The following MS4A5 variants were observed in gnomAD, a reference collection of about 807,000 sequenced individuals.
The protein encoded by MS4A5 is membrane spanning 4-domains A5, also known as membrane-spanning 4-domains subfamily A member 5.
A neutral mutation model predicts 18.2 loss-of-function variants in MS4A5; 15 were observed. That is an observed-to-expected ratio of 0.83 (90% confidence interval 0.55 to 1.27). MS4A5 has a LOEUF of 1.27. MS4A5 is among the 50% of genes most tolerant of loss of function. The probability of loss-of-function intolerance (pLI) is 0.00; values close to 1 mark genes in which losing one functional copy is unlikely to be tolerated. For synonymous variants in MS4A5, 89 were observed against 78.7 expected (o/e 1.13, Z -0.69); for missense variants, 232 against 225.7 (o/e 1.03, Z -0.18).
At chr11:60,431,739 G>T (rs1396852372) in intron 2 of MS4A5, among the ~76,000 whole-genome samples, 6 of 152,298 alleles carry the variant, frequency 3.9e-5, no homozygotes, top group African/African-American at 1.4e-4. Flanking sequence ...TAAGGATTAG[G>T]GATGTCTTGT....
At chr11:60,441,494 A>G (rs1019650719) in intron 4 of MS4A5, among the ~76,000 whole-genome samples, 1 of 151,298 alleles carries the variant, frequency 6.6e-6, no homozygotes, top group African/African-American at 2.4e-5. Context: ...AGATAAGCCA[A>G]TAGTTTTCCA....
chr11:60,442,927 G>A (rs1038776510), intron 4 of MS4A5, among the ~76,000 whole-genome samples: 1 of 152,184 alleles, frequency 6.6e-6, no homozygotes, highest in Non-Finnish European at 1.5e-5. Flanking sequence ...GATCACTTGA[G>A]GTCAGGAGTT....
intron 1 of MS4A5, among the ~76,000 whole-genome samples, 157 bp downstream of exon 1, chr11:60,429,984 T>C (rs2086039699): frequency 6.6e-6 from 1 of 152,110 alleles, no homozygotes; most frequent in South Asian, 2.1e-4. Flanking sequence ...AGAGGATGTT[T>C]GAGAAGAACG....
At chr11:60,441,347 G>C in intron 4 of MS4A5, among the ~76,000 whole-genome samples, 1 of 119,622 alleles carries the variant, frequency 8.4e-6, no homozygotes, top group Admixed American at 1.0e-4. Context: ...GTTAGTGGGT[G>C]CAGGGCACCA....
chr11:60,434,674 TA>T (rs1235874046), intron 4 of MS4A5, among the ~76,000 whole-genome samples: 1 of 152,068 alleles, frequency 6.6e-6, no homozygotes, highest in Non-Finnish European at 1.5e-5. Flanking sequence ...TTAAAGACAT[TA>T]AAAAGCTGAA....
chr11:60,432,780 A>C (rs984815609), intron 3 of MS4A5, among the ~76,000 whole-genome samples: 14 of 151,692 alleles, frequency 9.2e-5, no homozygotes, highest in African/African-American at 3.1e-4. Flanking sequence ...AAAAAAAAAA[A>C]ACAAAAAAAA....
intron 4 of MS4A5, among the ~76,000 whole-genome samples, chr11:60,447,119 G>GCTATC (rs1190534869): frequency 2.1e-5 from 3 of 143,656 alleles, no homozygotes; most frequent in Non-Finnish European, 3.1e-5. Flanking sequence ...GCTATCCTAT[G>GCTATC]CTATCCTATG....
chr11:60,446,057 T>G (rs1040569973), intron 4 of MS4A5, among the ~76,000 whole-genome samples: 5 of 152,138 alleles, frequency 3.3e-5, no homozygotes, highest in African/African-American at 9.7e-5. Flanking sequence ...AACAATGCTA[T>G]TGCAGCATTG....
chr11:60,433,663 A>T, intron 3 of MS4A5, 102 bp from the exon 4 acceptor site: 1 of 1,145,644 alleles, frequency 8.7e-7, no homozygotes, highest in South Asian at 1.4e-5. Flanking sequence ...TGGCATTAAG[A>T]TGCTGTGACT....
chr11:60,433,635 G>A (rs1590830913), intron 3 of MS4A5, 130 bp from the exon 4 acceptor site: 1 of 816,376 alleles, frequency 1.2e-6, no homozygotes, highest in East Asian at 2.6e-5. Context: ...ATTCGCACAG[G>A]ATCACAGAGC....
chr11:60,436,383 G>A (rs1305211797), intron 4 of MS4A5, among the ~76,000 whole-genome samples: 1 of 139,622 alleles, frequency 7.2e-6, no homozygotes, highest in East Asian at 2.0e-4. Flanking sequence ...CTCCTCCAAA[G>A]GAATGCAGTT....
intron 4 of MS4A5, among the ~76,000 whole-genome samples, chr11:60,435,817 T>G (rs1475634015): frequency 1.3e-5 from 2 of 151,678 alleles, no homozygotes; most frequent in African/African-American, 4.8e-5. Flanking sequence ...AGCACAGCAG[T>G]CTGAGATCAA....
chr11:60,435,860 C>T (rs1225802395), intron 4 of MS4A5, among the ~76,000 whole-genome samples: 21 of 152,134 alleles, frequency 1.4e-4, no homozygotes, highest in African/African-American at 1.9e-4. Flanking sequence ...GGGGGAGGGG[C>T]GCCCGCCATT....
intron 4 of MS4A5, among the ~76,000 whole-genome samples, chr11:60,437,249 C>A (rs1282076718): frequency 2.0e-5 from 3 of 150,082 alleles, no homozygotes; most frequent in African/African-American, 4.9e-5. Flanking sequence ...ACCAGGCCTG[C>A]CTTACAAGAG....
chr11:60,445,089 A>G (rs1294783376), intron 4 of MS4A5, among the ~76,000 whole-genome samples: 1 of 152,180 alleles, frequency 6.6e-6, no homozygotes, highest in African/African-American at 2.4e-5. Flanking sequence ...GAGGCAAACA[A>G]TTTCAGATAA....
intron 4 of MS4A5, 64 bp downstream of exon 4, chr11:60,433,981 C>G: frequency 1.5e-6 from 2 of 1,363,814 alleles, no homozygotes; most frequent in South Asian, 2.5e-5. Context: ...TATTAGCACT[C>G]AATCAGCACC....
chr11:60,433,804 G>A lies in MS4A5; in HGVS notation c.379G>A (p.Gly127Arg). The change falls in exon 4 of 5, where the codon GGA becomes AGA. Residue 127 changes from glycine to arginine, a missense_variant. Transcript: ENST00000300190. ...SRIMNFLSAL[G>R]AIAGIILLTF... ...AATAATGAATTTTCTTAGTGCCCTG[G>A]GAGCAATAGCTGGAATCATTCTCCT... 6.2e-7 allele frequency: 1 copy of A among 1,613,864 alleles called. No individual in the cohort carries two copies. The highest frequency in any genetic ancestry group is 1.7e-5 in the Admixed American group (1 of 60,010).
chr11:60,437,600 A>C (rs2086087821), intron 4 of MS4A5, among the ~76,000 whole-genome samples: 1 of 151,652 alleles, frequency 6.6e-6, no homozygotes, highest in African/African-American at 2.4e-5. Context: ...AATGGAAAAC[A>C]AAAAAAGGCA....
Position 60,429,692 on chromosome 11 carries a change from A to G in MS4A5, c.18A>G (p.Ala6=). The change falls in exon 1 of 5, where the codon GCA becomes GCG. Residue 6 remains alanine (A), a synonymous_variant. Transcript: ENST00000300190. MDSST[A]HSPVFLVFPP... Reference sequence around the variant, plus strand: ...ACACCATCATGGATTCAAGCACCGCACACAGTCCGGTGTTTCTGGTATTTC... The same window carrying G: ...ACACCATCATGGATTCAAGCACCGCGCACAGTCCGGTGTTTCTGGTATTTC... 6.2e-7 allele frequency: 1 copy of G among 1,613,170 alleles called. No homozygotes were observed. The highest frequency in any genetic ancestry group is 8.5e-7 in the Non-Finnish European group (1 of 1,179,772).
Sources: allele counts gnomAD v4.1 joint callset (sites outside exome capture counted in the v4.1 genomes callset), GRCh38; gene constraint gnomAD v4.1.1; transcripts MANE v1.5; gene names NCBI Gene and HGNC (gene_info 2026-07-23, HGNC 2026-07-21).